The following SNX8 variants were observed in gnomAD, a reference collection of about 807,000 sequenced individuals.
SNX8 encodes the protein sorting nexin 8.
Under a neutral mutation model 51.6 loss-of-function variants are expected in SNX8, and 25 were observed. The observed-to-expected ratio is 0.48, with a 90% CI of 0.35 to 0.68. SNX8 has a LOEUF of 0.68. Among genes scored for constraint, SNX8 ranks in the 30% least tolerant of loss-of-function variants. The probability of loss-of-function intolerance (pLI) is 0.00; values close to 1 mark genes in which losing one functional copy is unlikely to be tolerated. For synonymous variants in SNX8, 324 were observed against 277.0 expected (o/e 1.17, Z -1.68); for missense variants, 695 against 624.0 (o/e 1.11, Z -1.21).
chr7:2,310,199 T>A (rs1796633472), intron 1 of SNX8, among the ~76,000 whole-genome samples: 1 of 152,034 alleles, frequency 6.6e-6, no homozygotes, highest in African/African-American at 2.4e-5. Flanking sequence ...CCACACTCAC[T>A]GCCGTTCTCG....
rs1279041925 is a variant in SNX8, at chr7:2,309,527, T to A, written c.94+4801A>T. Among the ~76,000 whole-genome samples the A allele has an allele frequency of 3.3e-5, 5 of 150,798 alleles. No homozygotes were observed. The East Asian group carries it at 9.8e-4, about 30-fold the overall frequency. Reference sequence around the variant, plus strand: ...TGGGCAGATCACCTGAGGTTGGGAGTTCGAGACCAGCCTGACCAACATGGA... The same window carrying A: ...TGGGCAGATCACCTGAGGTTGGGAGATCGAGACCAGCCTGACCAACATGGA... On this transcript the variant is annotated intron_variant, in intron 1 of 10. Transcript: ENST00000222990.
chr7:2,262,746 C>T (rs113747184), intron 7 of SNX8, among the ~76,000 whole-genome samples: 3,005 of 152,326 alleles, frequency 0.02, 39 homozygotes, highest in South Asian at 0.043. Flanking sequence ...AAAGCGTAAA[C>T]GCTCCCAGGG....
chr7:2,330,681 G>A (rs1399629442), intron 1 of SNX8, among the ~76,000 whole-genome samples: 1 of 152,094 alleles, frequency 6.6e-6, no homozygotes, highest in African/African-American at 2.4e-5. Context: ...TCAGAGCTGA[G>A]TGGAGGACAC....
intron 1 of SNX8, chr7:2,299,533 A>T (rs2115181997): frequency 6.6e-6 from 1 of 152,288 alleles, no homozygotes. Context: ...GGGGAGGCCC[A>T]GCGATTTGTT....
At chr7:2,342,360 A>G (rs1418413434) in intron 1 of SNX8, among the ~76,000 whole-genome samples, 1 of 151,670 alleles carries the variant, frequency 6.6e-6, no homozygotes, top group Non-Finnish European at 1.5e-5. Flanking sequence ...TTTATTAAGG[A>G]TAGAATTACA....
intron 7 of SNX8, among the ~76,000 whole-genome samples, chr7:2,260,065 G>C (rs11772177): frequency 0.41 from 61,752 of 151,944 alleles, 13,066 homozygotes; most frequent in African/African-American, 0.49. Context: ...AGGTCTGTGT[G>C]TAAATCTCAT....
intron 1 of SNX8, among the ~76,000 whole-genome samples, chr7:2,282,595 A>C (rs1339992808): frequency 6.6e-6 from 1 of 152,210 alleles, no homozygotes; most frequent in Non-Finnish European, 1.5e-5. Flanking sequence ...GGAACTTCAG[A>C]CAGTAACAAC....
At chr7:2,349,734 C>T (rs1343266571) in intron 1 of SNX8, among the ~76,000 whole-genome samples, 1 of 152,052 alleles carries the variant, frequency 6.6e-6, no homozygotes, top group Non-Finnish European at 1.5e-5. Context: ...CCGCGCCTGG[C>T]CAATTTAGCT....
chr7:2,342,333 A>T (rs747651582), intron 1 of SNX8, among the ~76,000 whole-genome samples: 1 of 151,758 alleles, frequency 6.6e-6, no homozygotes, highest in Non-Finnish European at 1.5e-5. Context: ...TGTATTAGTA[A>T]TAATAATCTC....
Position 2,264,282 on chromosome 7 carries a change from C to A in SNX8, c.782+16G>T. ...CCCACCGCGCGTGCCCCTGCAGAAG[C>A]TGAAAGGTCACCTACCTTAGCTCCT... is the stretch of plus-strand genomic sequence containing the variant. On this transcript the variant is annotated intron_variant, in intron 6 of 10. Coordinates refer to ENST00000222990, the MANE Select transcript of SNX8 (RefSeq NM_013321.4). 1 of 1,601,886 alleles carries A rather than the reference C, an allele frequency of 6.2e-7. No homozygotes were observed.
chr7:2,274,952 C>G lies in SNX8; in HGVS notation c.418+160G>C, dbSNP rs186451309. On this transcript the variant is annotated intron_variant, in intron 3 of 10. Transcript: ENST00000222990. ...TCCCTGCCTGCACCAAGGCTGGGCT[C>G]AAGCCACAGCTCTGTCCCAGATGCC... The G allele has an allele frequency of 1.0e-2, 5,934 of 595,272 alleles. 54 individuals are homozygous for G. The highest frequency in any genetic ancestry group is 0.014 in the Non-Finnish European group (4,535 of 333,920). The allele number at this position is 595,272 out of a possible 1,614,324, so 36.9% of individuals were successfully genotyped here. A position where few individuals can be genotyped will look rare whatever the true frequency, so the allele number is the denominator to read the frequency against.
chr7:2,289,184 C>T (rs964748790), intron 1 of SNX8, among the ~76,000 whole-genome samples: 1 of 152,090 alleles, frequency 6.6e-6, no homozygotes, highest in African/African-American at 2.4e-5. Flanking sequence ...ACTATGTGTC[C>T]TCGTCGCCTC....
At chr7:2,265,097 G>A (rs1163244717) in intron 5 of SNX8, among the ~76,000 whole-genome samples, 2 of 152,190 alleles carry the variant, frequency 1.3e-5, no homozygotes, top group Non-Finnish European at 2.9e-5. Flanking sequence ...GCTCACGCCT[G>A]TAATCCCAGC....
At chr7:2,343,166 A>G (rs1349304187) in intron 1 of SNX8, among the ~76,000 whole-genome samples, 1 of 151,462 alleles carries the variant, frequency 6.6e-6, no homozygotes, top group Non-Finnish European at 1.5e-5. Context: ...CCTGACCTCA[A>G]ATAATCCACC....
intron 1 of SNX8, among the ~76,000 whole-genome samples, chr7:2,332,671 G>A (rs1183553814): frequency 1.3e-5 from 2 of 151,536 alleles, no homozygotes; most frequent in Non-Finnish European, 2.9e-5. Context: ...GACTGCTTAA[G>A]TCCGGGACAT....
intron 2 of SNX8, among the ~76,000 whole-genome samples, chr7:2,277,469 T>C (rs1378281572): frequency 2.0e-5 from 3 of 151,952 alleles, no homozygotes; most frequent in Non-Finnish European, 4.4e-5. Context: ...TGGATCCCGC[T>C]TTGTGCTCTG....
At chr7:2,264,095 A>G (rs1364624912) in intron 6 of SNX8, among the ~76,000 whole-genome samples, 1 of 152,080 alleles carries the variant, frequency 6.6e-6, no homozygotes, top group Non-Finnish European at 1.5e-5. Context: ...CGTGCTCAGA[A>G]ATCCGTGTTT....
chr7:2,310,765 C>T (rs1236611258), intron 1 of SNX8, among the ~76,000 whole-genome samples: 1 of 151,496 alleles, frequency 6.6e-6, no homozygotes, highest in East Asian at 1.9e-4. Context: ...AGTGAAACTA[C>T]GTCTCAAAAA....
chr7:2,323,730 G>C (rs148397403), intron 1 of SNX8, among the ~76,000 whole-genome samples: 3 of 152,178 alleles, frequency 2.0e-5, no homozygotes, highest in African/African-American at 7.2e-5. Flanking sequence ...TGCCTGGCAC[G>C]CCAGAAGCCA....
Sources: allele counts gnomAD v4.1 joint callset (sites outside exome capture counted in the v4.1 genomes callset), GRCh38; gene constraint gnomAD v4.1.1; transcripts MANE v1.5; gene names NCBI Gene and HGNC (gene_info 2026-07-23, HGNC 2026-07-21).